The following CDH13 variants were observed in gnomAD, a reference collection of about 807,000 sequenced individuals.
CDH13 encodes cadherin 13.
In CDH13, 24 loss-of-function variants were observed where a neutral mutation model predicts 63.8. That is an observed-to-expected ratio of 0.38 (90% CI 0.27 to 0.53). The LOEUF (loss-of-function observed/expected upper bound fraction) is 0.53, where lower values mean the gene tolerates loss of function less well. Among genes scored for constraint, CDH13 ranks in the 20% least tolerant of loss-of-function variants. CDH13 has a pLI of 0.85. For missense variants in CDH13, 1,049 were observed against 903.1 expected, an observed-to-expected ratio of 1.16 and a Z score of -2.07; for synonymous variants, 503 against 355.3, an observed-to-expected ratio of 1.42 and a Z score of -4.67.
chr16:83,251,065 T>G (rs909738035), intron 5 of CDH13, among the ~76,000 whole-genome samples: 2 of 152,114 alleles, frequency 1.3e-5, no homozygotes, highest in East Asian at 3.9e-4. Context: ...TGGCTGACTT[T>G]GGAGGATAAT....
chr16:83,693,247 G>A (rs943362772), intron 10 of CDH13, among the ~76,000 whole-genome samples: 6 of 152,136 alleles, frequency 3.9e-5, no homozygotes, highest in African/African-American at 1.4e-4. Context: ...AACATGGGGA[G>A]GAATAGTAAT....
chr16:83,478,162 A>T (rs112671307), intron 6 of CDH13, among the ~76,000 whole-genome samples: 1 of 151,096 alleles, frequency 6.6e-6, no homozygotes, highest in African/African-American at 2.4e-5. Context: ...TCCGTCTCAA[A>T]AAAAAAAAAA....
At chr16:83,645,012 A>G (rs930278374) in intron 8 of CDH13, among the ~76,000 whole-genome samples, 1 of 152,176 alleles carries the variant, frequency 6.6e-6, no homozygotes, top group African/African-American at 2.4e-5. Flanking sequence ...ACCTAACCCC[A>G]TTCCTGAGTT....
intron 1 of CDH13, among the ~76,000 whole-genome samples, chr16:82,795,219 T>C (rs907917956): frequency 6.6e-6 from 1 of 152,236 alleles, no homozygotes; most frequent in African/African-American, 2.4e-5. Flanking sequence ...TGTCCATGTC[T>C]ATTGGAATGA....
At chr16:83,086,350 T>G (rs2033593407) in intron 3 of CDH13, among the ~76,000 whole-genome samples, 1 of 152,164 alleles carries the variant, frequency 6.6e-6, no homozygotes, top group African/African-American at 2.4e-5. Flanking sequence ...AGCTGTGTGT[T>G]TTTGGGTAAG....
chr16:83,516,011 C>G (rs1290358498), intron 7 of CDH13, among the ~76,000 whole-genome samples: 1 of 152,150 alleles, frequency 6.6e-6, no homozygotes, highest in Non-Finnish European at 1.5e-5. Context: ...CTGCTCCAAC[C>G]AAGAAAATCA....
At chr16:83,691,764 G>A (rs1904915810) in intron 10 of CDH13, among the ~76,000 whole-genome samples, 1 of 152,072 alleles carries the variant, frequency 6.6e-6, no homozygotes, top group African/African-American at 2.4e-5. Context: ...TCCATCTCCT[G>A]TCTTCTTTCA....
chr16:82,672,962 G>T (rs12934902), intron 1 of CDH13, among the ~76,000 whole-genome samples: 25,396 of 144,528 alleles, frequency 0.18, 2,845 homozygotes, highest in East Asian at 0.34. Flanking sequence ...CCGCAGGATT[G>T]CGTGCCACCA....
chr16:83,170,273 A>G (rs1341376954), intron 4 of CDH13, among the ~76,000 whole-genome samples: 2 of 152,110 alleles, frequency 1.3e-5, no homozygotes, highest in Non-Finnish European at 1.5e-5. Flanking sequence ...CTAGAAAAAA[A>G]ATGTGATCAT....
intron 5 of CDH13, among the ~76,000 whole-genome samples, chr16:83,310,775 A>T (rs921546777): frequency 6.6e-6 from 1 of 152,170 alleles, no homozygotes; most frequent in Non-Finnish European, 1.5e-5. Flanking sequence ...TCCAGGAGAG[A>T]ACAATAACCT....
At chr16:82,689,711 C>T (rs534867230) in intron 1 of CDH13, among the ~76,000 whole-genome samples, 5 of 152,136 alleles carry the variant, frequency 3.3e-5, no homozygotes, top group African/African-American at 9.6e-5. Flanking sequence ...GGACTCCTGT[C>T]CTCAGAGTGC....
chr16:82,784,391 G>T (rs1567530571), intron 1 of CDH13, among the ~76,000 whole-genome samples: 1 of 152,192 alleles, frequency 6.6e-6, no homozygotes, highest in Non-Finnish European at 1.5e-5. Context: ...ACACCTACCA[G>T]CAAGGGCAAT....
chr16:83,312,125 T>C (rs2090014512), intron 5 of CDH13, among the ~76,000 whole-genome samples: 1 of 151,636 alleles, frequency 6.6e-6, no homozygotes, highest in African/African-American at 2.4e-5. Flanking sequence ...TTTTTGTCTA[T>C]TGGTTGTATT....
At chr16:83,655,032 C>T (rs1213272103) in intron 8 of CDH13, 4 of 152,238 alleles carry the variant, frequency 2.6e-5, no homozygotes, top group Admixed American at 6.5e-5. Flanking sequence ...GCATGCTTTC[C>T]AGTTTTGAAG....
chr16:83,439,624 C>T (rs1004397571), intron 6 of CDH13, among the ~76,000 whole-genome samples: 7 of 152,162 alleles, frequency 4.6e-5, no homozygotes, highest in Non-Finnish European at 7.3e-5. Context: ...CCAGGAAAGG[C>T]GATGGCTTCG....
At chr16:83,332,420 A>G (rs533465733) in intron 5 of CDH13, among the ~76,000 whole-genome samples, 1 of 152,310 alleles carries the variant, frequency 6.6e-6, no homozygotes, top group South Asian at 2.1e-4. Flanking sequence ...CATGTTTGAT[A>G]AAACACATTT....
At chr16:83,772,701 GA>G (rs1914838868) in intron 11 of CDH13, 1 of 152,170 alleles carries the variant, frequency 6.6e-6, no homozygotes, top group African/African-American at 2.4e-5. Flanking sequence ...CTCCTGGTGT[GA>G]CATGACCATT....
intron 1 of CDH13, among the ~76,000 whole-genome samples, chr16:82,814,148 C>T (rs575711368): frequency 2.0e-5 from 3 of 152,214 alleles, no homozygotes; most frequent in East Asian, 1.9e-4. Context: ...TTGGTCTCTG[C>T]CCCCAGTTCT....
At chr16:83,404,553 A>T (rs184920938) in intron 6 of CDH13, among the ~76,000 whole-genome samples, 13 of 152,340 alleles carry the variant, frequency 8.5e-5, no homozygotes, top group African/African-American at 3.1e-4. Flanking sequence ...TATTGAATGT[A>T]TCCTTTAGTA....
Sources: gnomAD v4.1 joint callset for allele counts (sites outside exome capture counted in the v4.1 genomes callset) on GRCh38, gnomAD v4.1.1 for gene constraint, MANE v1.5 for transcripts, NCBI Gene and HGNC (gene_info 2026-07-23, HGNC 2026-07-21) for gene names.